CPNE4: variants seen among roughly 807,000 people sequenced by gnomAD.
CPNE4 encodes the protein copine-4.
CPNE4 carries 25 observed loss-of-function variants against 67.9 expected under a neutral mutation model. The ratio of observed to expected loss-of-function variants is 0.37; its 90% CI spans 0.27 to 0.51. The LOEUF (loss-of-function observed/expected upper bound fraction) is 0.51. Ranked by LOEUF, CPNE4 falls within the 20% of genes least tolerant of loss-of-function variation. The pLI is 0.93. For missense variants in CPNE4, 464 were observed against 690.8 expected (o/e 0.67, Z 3.68); for synonymous variants, 242 against 244.9 (o/e 0.99, Z 0.11).
chr3:131,984,923 C>G (rs1453095402), intron 1 of CPNE4, among the ~76,000 whole-genome samples: 1 of 152,210 alleles, frequency 6.6e-6, no homozygotes, highest in Non-Finnish European at 1.5e-5. Flanking sequence ...TCTTCTCTTT[C>G]TTGTCTGACT....
intron 6 of CPNE4, among the ~76,000 whole-genome samples, chr3:131,681,177 ACAC>A (rs1404022219): frequency 6.6e-6 from 1 of 152,210 alleles, no homozygotes; most frequent in Non-Finnish European, 1.5e-5. Context: ...GGTAGTTTAC[ACAC>A]CACAATTAGA....
At chr3:131,608,118 G>A (rs1186799559) in intron 7 of CPNE4, among the ~76,000 whole-genome samples, 1 of 152,186 alleles carries the variant, frequency 6.6e-6, no homozygotes, top group East Asian at 1.9e-4. Context: ...TCTTGTGAAA[G>A]AAGTTTGAGA....
chr3:131,787,073 C>A (rs2083584650), intron 2 of CPNE4, among the ~76,000 whole-genome samples: 1 of 152,126 alleles, frequency 6.6e-6, no homozygotes, highest in Non-Finnish European at 1.5e-5. Context: ...AAATTACTTG[C>A]TAATTGATGC....
intron 2 of CPNE4, among the ~76,000 whole-genome samples, chr3:131,792,665 A>G (rs983701121): frequency 0.054 from 3,165 of 58,586 alleles, 511 homozygotes; most frequent in African/African-American, 0.19. Context: ...ACACACGTGT[A>G]TATATACATA....
chr3:131,566,518 C>T (rs1382644964), intron 10 of CPNE4, among the ~76,000 whole-genome samples: 3 of 151,726 alleles, frequency 2.0e-5, no homozygotes, highest in Non-Finnish European at 4.4e-5. Context: ...AACCTACATG[C>T]ATTTTCTGAA....
intron 1 of CPNE4, among the ~76,000 whole-genome samples, chr3:132,000,739 C>T (rs374428319): frequency 6.6e-4 from 99 of 150,706 alleles, no homozygotes; most frequent in African/African-American, 2.1e-3. Context: ...AGTCTTAAAA[C>T]AGTAGCATTT....
chr3:131,969,722 TATTAA>T (rs1428162809), intron 1 of CPNE4, among the ~76,000 whole-genome samples: 1 of 152,136 alleles, frequency 6.6e-6, no homozygotes, highest in Non-Finnish European at 1.5e-5. Flanking sequence ...CAAATAAAAT[TATTAA>T]ATTCTCTTCA....
At chr3:131,851,943 G>A (rs2086257585) in intron 2 of CPNE4, among the ~76,000 whole-genome samples, 1 of 151,954 alleles carries the variant, frequency 6.6e-6, no homozygotes, top group Admixed American at 6.6e-5. Flanking sequence ...ACAGTCTTAT[G>A]AATGACCCCT....
At chr3:131,833,231 T>C (rs1560423407) in intron 2 of CPNE4, among the ~76,000 whole-genome samples, 2 of 152,224 alleles carry the variant, frequency 1.3e-5, no homozygotes, top group South Asian at 2.1e-4. Context: ...TATTTTGTTA[T>C]AGCAGCCCAA....
chr3:131,552,045 G>A (rs143251437), intron 13 of CPNE4, among the ~76,000 whole-genome samples: 30 of 139,334 alleles, frequency 2.2e-4, no homozygotes, highest in Non-Finnish European at 3.2e-4. Context: ...TCCTTATATC[G>A]GCACAGAGAT....
At chr3:131,571,674 G>A (rs1016175145) in intron 10 of CPNE4, among the ~76,000 whole-genome samples, 20 of 151,960 alleles carry the variant, frequency 1.3e-4, no homozygotes, top group African/African-American at 1.9e-4. Flanking sequence ...GCCTGTGGCA[G>A]TGGGCTTCCA....
chr3:131,573,936 G>A (rs771056352), intron 10 of CPNE4, among the ~76,000 whole-genome samples: 1 of 152,060 alleles, frequency 6.6e-6, no homozygotes, highest in Non-Finnish European at 1.5e-5. Flanking sequence ...GTTTAGGAAG[G>A]ACATAGGTAT....
At chr3:131,981,175 T>C (rs551620015) in intron 1 of CPNE4, among the ~76,000 whole-genome samples, 3 of 152,216 alleles carry the variant, frequency 2.0e-5, no homozygotes, top group African/African-American at 7.2e-5. Context: ...TGGCCTCCTG[T>C]CAGGAGGTGG....
At chr3:131,826,585 C>T (rs182345683) in intron 2 of CPNE4, among the ~76,000 whole-genome samples, 13 of 152,172 alleles carry the variant, frequency 8.5e-5, no homozygotes, top group South Asian at 2.1e-4. Flanking sequence ...TTTGTTTGTT[C>T]GCTTTTTCTC....
At chr3:131,749,493 T>C (rs1337570594) in intron 2 of CPNE4, among the ~76,000 whole-genome samples, 1 of 152,148 alleles carries the variant, frequency 6.6e-6, no homozygotes, top group Non-Finnish European at 1.5e-5. Context: ...TTTTGAGTTC[T>C]ATATTCTTGC....
chr3:131,875,532 G>T (rs113214534), intron 2 of CPNE4, among the ~76,000 whole-genome samples: 1 of 151,774 alleles, frequency 6.6e-6, no homozygotes, highest in African/African-American at 2.4e-5. Context: ...TCCTTTGTAG[G>T]GACATGGATG....
chr3:131,760,506 T>C (rs998035323), intron 2 of CPNE4, among the ~76,000 whole-genome samples: 1 of 152,196 alleles, frequency 6.6e-6, no homozygotes, highest in Non-Finnish European at 1.5e-5. Context: ...CAGGTTCCCA[T>C]GTAACGTGTG....
At chr3:131,631,027 G>T (rs556151207) in intron 7 of CPNE4, among the ~76,000 whole-genome samples, 1 of 152,236 alleles carries the variant, frequency 6.6e-6, no homozygotes, top group Non-Finnish European at 1.5e-5. Context: ...GACTAACTGG[G>T]GAATTAGCAT....
intron 13 of CPNE4, 90 bp downstream of exon 13, chr3:131,552,350 T>C: frequency 9.3e-7 from 1 of 1,079,180 alleles, no homozygotes; most frequent in South Asian, 1.3e-5. Context: ...CAATCGTAAC[T>C]AATATGCTAC....
Sources: allele counts gnomAD v4.1 joint callset (sites outside exome capture counted in the v4.1 genomes callset), GRCh38; gene constraint gnomAD v4.1.1; transcripts MANE v1.5; gene names NCBI Gene and HGNC (gene_info 2026-07-23, HGNC 2026-07-21).